LIPC: variants seen among roughly 807,000 people sequenced by gnomAD.
LIPC encodes the protein lipase C, hepatic type.
Under a neutral mutation model 50.7 loss-of-function variants are expected in LIPC, and 44 were observed. The observed-to-expected ratio is 0.87, with a 90% CI of 0.68 to 1.11. The LOEUF is 1.11. Among genes scored for constraint, LIPC ranks in the 50% most tolerant of loss-of-function variants. The probability of loss-of-function intolerance (pLI) is 0.00; values close to 1 mark genes in which losing one functional copy is unlikely to be tolerated. For missense variants in LIPC, 697 were observed against 648.2 expected (o/e 1.08, Z -0.82); for synonymous variants, 271 against 256.4 (o/e 1.06, Z -0.54).
chr15:58,565,608 G>A (rs1235966563), intron 8 of LIPC: 24 of 1,082,686 alleles, frequency 2.2e-5, no homozygotes, highest in African/African-American at 1.1e-4. Context: ...ACAGCTTGAG[G>A]ACATTGCTCA....
Position 58,534,056 on chromosome 15 carries a change from TA to T in LIPC, c.89-4275del, listed in dbSNP as rs1400128616. 3.9e-5 allele frequency among the ~76,000 whole-genome samples: 6 copies of T among 152,190 alleles called. No individual in the cohort carries two copies. The East Asian group carries it at 9.6e-4, about 24-fold the overall frequency. Reference sequence around the variant, plus strand: ...CCCAGTAGAGAGGCAAGAGAGGGCATAAGCTCTAAGCTTTCCACCTTGGGCA... The same window carrying T: ...CCCAGTAGAGAGGCAAGAGAGGGCATAGCTCTAAGCTTTCCACCTTGGGCA... On this transcript the variant is annotated intron_variant, in intron 1 of 8. Coordinates refer to ENST00000299022, the MANE Select transcript of LIPC (RefSeq NM_000236.3).
chr15:58,445,924 T>C (rs1205636822), intron 1 of LIPC, among the ~76,000 whole-genome samples: 2 of 152,252 alleles, frequency 1.3e-5, no homozygotes, highest in African/African-American at 4.8e-5. Flanking sequence ...CCGATTCATA[T>C]GCTACTCCCA....
At chr15:58,481,033 A>G (rs1052164437) in intron 1 of LIPC, among the ~76,000 whole-genome samples, 4 of 152,144 alleles carry the variant, frequency 2.6e-5, no homozygotes, top group African/African-American at 7.2e-5. Context: ...GAAATGTCCA[A>G]TTCCCATGGA....
chr15:58,505,981 G>C (rs763632839), intron 1 of LIPC, among the ~76,000 whole-genome samples: 8 of 152,212 alleles, frequency 5.3e-5, no homozygotes, highest in African/African-American at 1.4e-4. Context: ...CTGGGCTTTG[G>C]ATAGAGGAAT....
intron 1 of LIPC, among the ~76,000 whole-genome samples, chr15:58,505,393 G>T (rs760906923): frequency 1.3e-5 from 2 of 152,226 alleles, no homozygotes; most frequent in Non-Finnish European, 2.9e-5. Flanking sequence ...TAGGGTTGTT[G>T]TGAGGATCAA....
chr15:58,558,795 C>G (rs927064385), intron 6 of LIPC, among the ~76,000 whole-genome samples: 13 of 152,140 alleles, frequency 8.5e-5, no homozygotes, highest in Non-Finnish European at 2.9e-5. Flanking sequence ...TAGTAGGCAC[C>G]AGATACTACC....
intron 1 of LIPC, among the ~76,000 whole-genome samples, chr15:58,523,700 C>T (rs1271845259): frequency 6.6e-6 from 1 of 152,134 alleles, no homozygotes; most frequent in African/African-American, 2.4e-5. Flanking sequence ...AGGAGGATCA[C>T]TTGAGGCCAG....
chr15:58,505,093 T>G (rs1273822413), intron 1 of LIPC, among the ~76,000 whole-genome samples: 2 of 152,210 alleles, frequency 1.3e-5, no homozygotes, highest in African/African-American at 4.8e-5. Context: ...GGTCCCCAGT[T>G]TTCTGGGGCA....
intron 1 of LIPC, among the ~76,000 whole-genome samples, chr15:58,526,957 C>T (rs1345331742): frequency 2.6e-5 from 4 of 152,162 alleles, no homozygotes; most frequent in Admixed American, 2.6e-4. Flanking sequence ...GGCTCCAAAG[C>T]CAGTGCCCGC....
chr15:58,528,059 G>C (rs1308850394), intron 1 of LIPC, among the ~76,000 whole-genome samples: 1 of 150,090 alleles, frequency 6.7e-6, no homozygotes, highest in Non-Finnish European at 1.5e-5. Flanking sequence ...AGAATCGCTT[G>C]AACTCGAGAG....
At chr15:58,469,197 T>C (rs567288613) in intron 1 of LIPC, among the ~76,000 whole-genome samples, 2 of 150,534 alleles carry the variant, frequency 1.3e-5, no homozygotes, top group African/African-American at 4.9e-5. Flanking sequence ...TGCAGTGGCA[T>C]GATCGTAGTT....
chr15:58,563,559 G>A lies in LIPC; in HGVS notation c.1224G>A (p.Val408=), dbSNP rs138902388. Residue 408 remains valine (V), a synonymous_variant, in exon 8 of 9, where the codon GTG becomes GTA. Transcript: ENST00000299022. ...KTYSFLITLD[V]DIGELIMIKF... is the part of the protein sequence containing the mutation. ...ATTCCTTTCTTATCACGCTGGATGT[G>A]GATATCGGCGAGCTGATCATGATCA... 6.2e-7 allele frequency: 1 copy of A among 1,614,142 alleles called. No homozygotes were observed. The highest frequency in any genetic ancestry group is 8.5e-7 in the Non-Finnish European group (1 of 1,180,026).
chr15:58,479,057 C>T (rs948222467), intron 1 of LIPC, among the ~76,000 whole-genome samples: 6 of 152,194 alleles, frequency 3.9e-5, no homozygotes, highest in Non-Finnish European at 7.3e-5. Flanking sequence ...AGTCTTCTAT[C>T]GAGGACTGCT....
In LIPC at chr15:58,541,865, G is replaced by C; in HGVS notation, c.354G>C (p.Gly118=). 6.2e-7 allele frequency: 1 copy of C among 1,612,902 alleles called. No individual in the cohort carries two copies. Residue 118 remains glycine, a synonymous_variant, in exon 3 of 9, where the codon GGG becomes GGC. Transcript: ENST00000299022. ...AGCCGGCCCAGCCAGTGAACGTGGG[G>C]CTGGTGGACTGGATCACCCTGGCCC... ...KSQPAQPVNV[G]LVDWITLAHD...
chr15:58,532,602 T>C (rs1892992661), intron 1 of LIPC, among the ~76,000 whole-genome samples: 1 of 152,204 alleles, frequency 6.6e-6, no homozygotes, highest in Admixed American at 6.5e-5. Flanking sequence ...CGAGGCTTCT[T>C]TCTTATGCAC....
rs115119689 is a variant in LIPC at position 58,488,880 on chromosome 15, A to T, written c.89-49453A>T. ...CTATTACATCTCAGGATGGGAGAAA[A>T]ACAGGATTTGGGAGTTCTGGTTTAA... On this transcript the variant is annotated intron_variant, in intron 1 of 8. Coordinates refer to ENST00000299022, the MANE Select transcript of LIPC (RefSeq NM_000236.3). 3.3e-3 allele frequency among the ~76,000 whole-genome samples: 504 copies of T among 152,270 alleles called. 5 individuals are homozygous for T. The highest frequency in any genetic ancestry group is 0.011 in the African/African-American group (463 of 41,556).
chr15:58,538,076 C>A (rs1286438600), intron 1 of LIPC, among the ~76,000 whole-genome samples: 1 of 152,152 alleles, frequency 6.6e-6, no homozygotes, highest in Non-Finnish European at 1.5e-5. Flanking sequence ...GAGGGTGACT[C>A]TAGTGCTTGA....
intron 1 of LIPC, among the ~76,000 whole-genome samples, chr15:58,440,918 TA>T (rs1893486157): frequency 6.6e-6 from 1 of 152,014 alleles, no homozygotes; most frequent in East Asian, 1.9e-4. Context: ...ATGGGGTACA[TA>T]AAAAGAAGTG....
chr15:58,515,531 C>CAT (rs1404479015), intron 1 of LIPC, among the ~76,000 whole-genome samples: 1 of 42,670 alleles, frequency 2.3e-5, no homozygotes, highest in Non-Finnish European at 5.4e-5. Context: ...CATATACACA[C>CAT]ACATATATAT....
Sources: allele counts gnomAD v4.1 joint callset (sites outside exome capture counted in the v4.1 genomes callset), GRCh38; gene constraint gnomAD v4.1.1; transcripts MANE v1.5; gene names NCBI Gene and HGNC (gene_info 2026-07-23, HGNC 2026-07-21).